MGA: variants seen among roughly 807,000 people sequenced by gnomAD.
MGA encodes MAX gene-associated protein.
A neutral mutation model predicts 261.1 loss-of-function variants in MGA; 40 were observed. The observed-to-expected ratio is 0.15, with a 90% confidence interval of 0.12 to 0.20. The LOEUF (loss-of-function observed/expected upper bound fraction) is 0.20, where lower values mean the gene tolerates loss of function less well. Among genes scored for constraint, MGA ranks in the 10% least tolerant of loss-of-function variants. The pLI is 1.00. For missense variants in MGA, 3,397 were observed against 3,630.5 expected (o/e 0.94, Z 1.65); for synonymous variants, 1,302 against 1,290.6 (o/e 1.01, Z -0.19).
intron 2 of MGA, among the ~76,000 whole-genome samples, chr15:41,676,584 G>A (rs1047417094): frequency 1.3e-5 from 2 of 152,070 alleles, no homozygotes; most frequent in Admixed American, 6.5e-5. Context: ...ACATTCTATG[G>A]CAGGCATTTT....
chr15:41,636,614 C>T (rs1300552751), intron 1 of MGA, among the ~76,000 whole-genome samples: 2 of 151,978 alleles, frequency 1.3e-5, no homozygotes, highest in African/African-American at 2.4e-5. Flanking sequence ...AGGGTTTCAC[C>T]GTGTTAGCCA....
chr15:41,752,937 C>CT (rs202079582), intron 17 of MGA, among the ~76,000 whole-genome samples: 19 of 151,640 alleles, frequency 1.3e-4, no homozygotes, highest in Middle Eastern at 3.4e-3. Context: ...GTTATACTGA[C>CT]TTTTTTTTTA....
chr15:41,767,596 G>T lies in MGA; in HGVS notation c.*316G>T. On this transcript the variant is annotated 3_prime_UTR_variant, in exon 24 of 24. Transcript: ENST00000219905. ...TATAACATGACTCTGGCTCCACAGTGGTTTCTAGTTCTTCCCCCACAAGCG... is the reference window on the plus strand; with the variant it reads ...TATAACATGACTCTGGCTCCACAGTTGTTTCTAGTTCTTCCCCCACAAGCG... 1 of 320,346 alleles carries T rather than the reference G, an allele frequency of 3.1e-6. No individual in the cohort carries two copies. The highest frequency in any genetic ancestry group is 5.8e-6 in the Non-Finnish European group (1 of 173,128). 19.8% of individuals were successfully genotyped at this position (320,346 alleles called of 1,614,324 possible).
chr15:41,627,220 C>G (rs2056477318), intron 1 of MGA, among the ~76,000 whole-genome samples: 1 of 152,090 alleles, frequency 6.6e-6, no homozygotes, highest in Non-Finnish European at 1.5e-5. Flanking sequence ...ATTAAGGAAC[C>G]AATAATGATA....
At chr15:41,746,536 C>G (rs2062487751) in intron 15 of MGA, among the ~76,000 whole-genome samples, 1 of 112,872 alleles carries the variant, frequency 8.9e-6, no homozygotes, top group Non-Finnish European at 1.7e-5. Flanking sequence ...CAGAGCGAGA[C>G]TTCGTCTCAA....
chr15:41,636,361 C>T (rs539518352), intron 1 of MGA, among the ~76,000 whole-genome samples: 4 of 151,892 alleles, frequency 2.6e-5, no homozygotes, highest in Non-Finnish European at 5.9e-5. Context: ...GGCACAGTCT[C>T]GACTCACTGC....
intron 1 of MGA, among the ~76,000 whole-genome samples, chr15:41,667,863 G>C (rs1304960976): frequency 6.6e-6 from 1 of 152,106 alleles, no homozygotes; most frequent in Non-Finnish European, 1.5e-5. Context: ...GAGTGCAGTG[G>C]CGTGATCTTG....
At chr15:41,684,392 A>G (rs1024973674) in intron 2 of MGA, 11 of 453,710 alleles carry the variant, frequency 2.4e-5, no homozygotes, top group African/African-American at 8.0e-5. Context: ...GATTTTGCCT[A>G]GGTATTCTTT....
At chr15:41,652,798 G>C (rs2057094595) in intron 1 of MGA, among the ~76,000 whole-genome samples, 1 of 151,836 alleles carries the variant, frequency 6.6e-6, no homozygotes, top group Non-Finnish European at 1.5e-5. Flanking sequence ...TTCCCCAGGG[G>C]ACTTGTTTTT....
At chr15:41,742,343 C>G (rs555746140) in intron 14 of MGA, among the ~76,000 whole-genome samples, 1 of 151,930 alleles carries the variant, frequency 6.6e-6, no homozygotes, top group Non-Finnish European at 1.5e-5. Context: ...GAGCCGAGAT[C>G]GCGCCATTGC....
At chr15:41,676,391 T>A (rs999578387) in intron 2 of MGA, among the ~76,000 whole-genome samples, 3 of 152,238 alleles carry the variant, frequency 2.0e-5, no homozygotes, top group Non-Finnish European at 4.4e-5. Flanking sequence ...GCCGGTCTCA[T>A]GATCTGCCCG....
At chr15:41,759,748 A>G (rs1567100744) in intron 19 of MGA, among the ~76,000 whole-genome samples, 1 of 152,170 alleles carries the variant, frequency 6.6e-6, no homozygotes, top group Non-Finnish European at 1.5e-5. Context: ...TAAGTTTTAA[A>G]TGTTAAGTTT....
At chr15:41,663,502 G>GTTA (rs386382830) in intron 1 of MGA, among the ~76,000 whole-genome samples, 16 of 151,582 alleles carry the variant, frequency 1.1e-4, no homozygotes, top group Non-Finnish European at 2.1e-4. Context: ...TGTTGTTGTT[G>GTTA]TTATTATTTT....
chr15:41,692,340 G>A (rs12441249), intron 2 of MGA, among the ~76,000 whole-genome samples: 107,690 of 152,066 alleles, frequency 0.71, 40,258 homozygotes, highest in East Asian at 0.89. Flanking sequence ...TCTGGAGGGG[G>A]TGGTAATTGG....
At chr15:41,739,475 C>G (rs947294893) in intron 13 of MGA, among the ~76,000 whole-genome samples, 2 of 152,150 alleles carry the variant, frequency 1.3e-5, no homozygotes, top group African/African-American at 4.8e-5. Context: ...CTTGAAAGGA[C>G]CCTTGTGTGA....
At chr15:41,707,635 C>T in intron 5 of MGA, 93 bp from the exon 6 acceptor site, 2 of 1,220,602 alleles carry the variant, frequency 1.6e-6, no homozygotes, top group Non-Finnish European at 2.2e-6. Context: ...CCTTACCCCC[C>T]CGCCATCTCC....
intron 18 of MGA, among the ~76,000 whole-genome samples, chr15:41,756,808 A>G (rs2063174770): frequency 1.3e-5 from 2 of 152,086 alleles, no homozygotes; most frequent in Non-Finnish European, 2.9e-5. Flanking sequence ...TGGCCAGGCT[A>G]ATTTTGAACT....
intron 14 of MGA, among the ~76,000 whole-genome samples, chr15:41,741,346 CAAAAA>C (rs11389766): frequency 5.5e-5 from 4 of 72,330 alleles, no homozygotes; most frequent in East Asian, 3.7e-4. Context: ...ACTCCATCTC[CAAAAA>C]AAAAAAAAAA....
chr15:41,760,389 G>C lies in MGA; in HGVS notation c.7258G>C (p.Ala2420Pro), dbSNP rs756857079. 6.2e-7 allele frequency: 1 copy of C among 1,614,042 alleles called. No individual in the cohort carries two copies. Among genetic ancestry groups the C allele is most frequent in the Non-Finnish European group, 8.5e-7 (1 of 1,179,908 alleles). Residue 2420 changes from alanine (A) to proline (P), a missense_variant, in exon 20 of 24, where the codon GCG becomes CCG. This residue lies in a region of MGA where 1,410 missense variants were observed against 1,386.4 expected (regional missense o/e 1.02). Transcript: ENST00000219905. The stretch of plus-strand genomic sequence containing the variant: ...TGACAAACTACAGAAAGAAGCAGAA[G>C]CGTTTGCTTATTATCGCCGGACACA...
Sources: allele counts gnomAD v4.1 joint callset (sites outside exome capture counted in the v4.1 genomes callset), GRCh38; gene constraint gnomAD v4.1.1; regional missense constraint gnomAD v4.1.1; transcripts MANE v1.5; gene names NCBI Gene and HGNC (gene_info 2026-07-23, HGNC 2026-07-21).